MPP7: variants seen among roughly 807,000 people sequenced by gnomAD.
MPP7 encodes the protein MAGUK p55 subfamily member 7.
A neutral mutation model predicts 76.5 loss-of-function variants in MPP7; 60 were observed. The ratio of observed to expected loss-of-function variants is 0.78; its 90% CI spans 0.64 to 0.97. MPP7 has a LOEUF of 0.97. Ranked by LOEUF, MPP7 falls within the 50% of genes least tolerant of loss-of-function variation. MPP7 has a pLI of 0.00. For missense variants in MPP7, 641 were observed against 694.0 expected (o/e 0.92, Z 0.86); for synonymous variants, 237 against 244.5 (o/e 0.97, Z 0.29).
intron 11 of MPP7, among the ~76,000 whole-genome samples, chr10:28,108,694 A>G (rs1419491365): frequency 6.6e-6 from 1 of 151,240 alleles, no homozygotes; most frequent in Non-Finnish European, 1.5e-5. Flanking sequence ...AATATAAAAT[A>G]ATATAAAATA....
chr10:28,215,849 T>C (rs1355809726), intron 2 of MPP7, among the ~76,000 whole-genome samples: 1 of 152,198 alleles, frequency 6.6e-6, no homozygotes, highest in African/African-American at 2.4e-5. Flanking sequence ...TATGTAAGCA[T>C]CTTTTAAATA....
At chr10:28,102,364 C>G (rs2133519299) in intron 11 of MPP7, among the ~76,000 whole-genome samples, 1 of 152,202 alleles carries the variant, frequency 6.6e-6, no homozygotes, top group East Asian at 1.9e-4. Flanking sequence ...GAGCTTTTTC[C>G]TTTCTTTTAA....
intron 3 of MPP7, among the ~76,000 whole-genome samples, chr10:28,179,173 C>T (rs1836976923): frequency 1.3e-5 from 2 of 152,140 alleles, no homozygotes; most frequent in Admixed American, 1.3e-4. Context: ...ATTTCTCCTC[C>T]AACACACTCA....
intron 5 of MPP7, among the ~76,000 whole-genome samples, chr10:28,137,909 T>C (rs1835397392): frequency 6.6e-6 from 1 of 152,208 alleles, no homozygotes. Context: ...CTTTATGTTC[T>C]AAGTATCTGT....
At chr10:28,096,829 A>G (rs904693459) in intron 11 of MPP7, among the ~76,000 whole-genome samples, 1 of 152,146 alleles carries the variant, frequency 6.6e-6, no homozygotes, top group African/African-American at 2.4e-5. Flanking sequence ...CTGTAACTTT[A>G]TATTTTTCTA....
chr10:28,218,618 A>G (rs2134052289), intron 2 of MPP7, among the ~76,000 whole-genome samples: 1 of 152,296 alleles, frequency 6.6e-6, no homozygotes, highest in Admixed American at 6.5e-5. Context: ...CATCCAGGCC[A>G]TATTCTAGGC....
At chr10:28,261,659 A>G (rs1212932419) in intron 1 of MPP7, among the ~76,000 whole-genome samples, 1 of 146,668 alleles carries the variant, frequency 6.8e-6, no homozygotes, top group Admixed American at 6.8e-5. Flanking sequence ...ACACCCTCCA[A>G]TGTAGTACAA....
intron 11 of MPP7, among the ~76,000 whole-genome samples, chr10:28,097,296 T>C (rs1853615853): frequency 6.6e-6 from 1 of 152,158 alleles, no homozygotes. Context: ...ATTCTCTTTT[T>C]AATAATATCA....
chr10:28,242,084 A>T (rs1324767548), intron 1 of MPP7, among the ~76,000 whole-genome samples: 1 of 152,026 alleles, frequency 6.6e-6, no homozygotes, highest in Non-Finnish European at 1.5e-5. Flanking sequence ...GAACATATAC[A>T]CACACACACA....
chr10:28,333,790 C>T lies in MPP7; in HGVS notation c.-206+628G>A, dbSNP rs149065233. 3.4e-3 allele frequency among the ~76,000 whole-genome samples: 525 copies of T among 152,250 alleles called. 5 individuals are homozygous for T. The highest frequency in any genetic ancestry group is 0.012 in the African/African-American group (482 of 41,540). ...GTGGAATTAATTTTTTTAAGTCTAT[C>T]TAGAAACAAAGGAAAAGCAGAGGTT... is the stretch of plus-strand genomic sequence containing the variant. On this transcript the variant is annotated intron_variant, in intron 1 of 11. Coordinates refer to the MPP7 transcript ENST00000441595.
chr10:28,106,688 C>T (rs1346045642), intron 11 of MPP7, among the ~76,000 whole-genome samples: 2 of 152,288 alleles, frequency 1.3e-5, no homozygotes, highest in Non-Finnish European at 2.9e-5. Context: ...CACTGGAGCA[C>T]TCCTATCCTC....
At chr10:28,200,650 T>C (rs1027117967) in intron 3 of MPP7, among the ~76,000 whole-genome samples, 1 of 152,214 alleles carries the variant, frequency 6.6e-6, no homozygotes, top group Non-Finnish European at 1.5e-5. Flanking sequence ...GATAATTAAC[T>C]TTTTCCTCAA....
intron 2 of MPP7, among the ~76,000 whole-genome samples, chr10:28,203,591 C>A (rs753705240): frequency 1.3e-5 from 2 of 151,440 alleles, no homozygotes; most frequent in Admixed American, 1.3e-4. Context: ...ATTCTGCCTA[C>A]ACCAGCTCTT....
intron 3 of MPP7, among the ~76,000 whole-genome samples, chr10:28,186,819 T>C (rs12251587): frequency 0.3 from 45,758 of 152,118 alleles, 8,387 homozygotes; most frequent in African/African-American, 0.49. Context: ...CCTACTGCAG[T>C]GGGAAACGCT....
chr10:28,060,966 A>AAGT (rs1161382140), intron 13 of MPP7, among the ~76,000 whole-genome samples: 17 of 152,322 alleles, frequency 1.1e-4, no homozygotes, highest in South Asian at 2.1e-4. Flanking sequence ...CCATGCACAC[A>AAGT]AGTCTTAGAC....
chr10:28,235,987 C>G (rs1839062266), intron 2 of MPP7, among the ~76,000 whole-genome samples: 1 of 152,124 alleles, frequency 6.6e-6, no homozygotes, highest in African/African-American at 2.4e-5. Context: ...GAGGAATGAC[C>G]ATTAAACAAA....
chr10:28,300,025 C>T (rs1452625218), intron 1 of MPP7, among the ~76,000 whole-genome samples: 3 of 152,154 alleles, frequency 2.0e-5, no homozygotes, highest in Admixed American at 1.3e-4. Flanking sequence ...CCTCGGCCTC[C>T]CAAAGTGCTG....
chr10:28,278,288 C>A (rs1243804197), intron 1 of MPP7, among the ~76,000 whole-genome samples: 1 of 152,090 alleles, frequency 6.6e-6, no homozygotes, highest in African/African-American at 2.4e-5. Context: ...CGATTCCATA[C>A]CCACTGCATT....
At chr10:28,211,970 C>T (rs1838152331) in intron 2 of MPP7, among the ~76,000 whole-genome samples, 2 of 152,054 alleles carry the variant, frequency 1.3e-5, no homozygotes, top group Admixed American at 1.3e-4. Context: ...CATCACTCAG[C>T]CAGGCGCAGT....
Sources: gnomAD v4.1 joint callset for allele counts (sites outside exome capture counted in the v4.1 genomes callset) on GRCh38, gnomAD v4.1.1 for gene constraint, MANE v1.5 for transcripts, NCBI Gene and HGNC (gene_info 2026-07-23, HGNC 2026-07-21) for gene names.